Variants in HBS1L observed in about 807,000 individuals in gnomAD.
HBS1L encodes HBS1-like protein.
A neutral mutation model predicts 88.9 loss-of-function variants in HBS1L; 55 were observed. The ratio of observed to expected loss-of-function variants is 0.62; its 90% CI spans 0.50 to 0.77. The LOEUF (loss-of-function observed/expected upper bound fraction) is 0.77, where lower values mean the gene tolerates loss of function less well. HBS1L is among the 30% of genes least tolerant of loss of function. The pLI, the probability that HBS1L is intolerant of heterozygous loss-of-function variation, is 0.00. For missense variants in HBS1L, 741 were observed against 829.3 expected (o/e 0.89, Z 1.31); for synonymous variants, 267 against 288.5 (o/e 0.93, Z 0.76).
intron 4 of HBS1L, among the ~76,000 whole-genome samples, chr6:135,009,877 G>A (rs1023268780): frequency 7.9e-5 from 12 of 151,442 alleles, no homozygotes; most frequent in South Asian, 6.3e-4. Context: ...TGATCCGCCC[G>A]CCTCGGCCTC....
At chr6:134,969,452 G>T (rs975170347) in intron 15 of HBS1L, 114 bp from the exon 16 acceptor site, 20 of 689,532 alleles carry the variant, frequency 2.9e-5, no homozygotes, top group Non-Finnish European at 4.1e-5. Context: ...GAGTCTTTCA[G>T]GATCTCCAGT....
At chr6:134,995,930 A>G (rs1775276978) in intron 7 of HBS1L, among the ~76,000 whole-genome samples, 1 of 152,120 alleles carries the variant, frequency 6.6e-6, no homozygotes, top group South Asian at 2.1e-4. Context: ...ATATGTTTAT[A>G]ATGGAGACTA....
chr6:135,040,344 CTTTTTTTTTTTTT>C (rs71006751), intron 3 of HBS1L, among the ~76,000 whole-genome samples: 1 of 110,060 alleles, frequency 9.1e-6, no homozygotes, highest in African/African-American at 3.6e-5. Context: ...GATAGGCATT[CTTTTTTTTTTTTT>C]TTTTTTTTTT....
chr6:134,996,366 A>G (rs1053888371), intron 7 of HBS1L, among the ~76,000 whole-genome samples: 3 of 152,216 alleles, frequency 2.0e-5, no homozygotes, highest in African/African-American at 7.2e-5. Context: ...GATTCTACAC[A>G]GAAGAGGTTT....
chr6:135,038,333 A>C (rs952808210), intron 4 of HBS1L, among the ~76,000 whole-genome samples: 36 of 151,988 alleles, frequency 2.4e-4, no homozygotes, highest in African/African-American at 8.5e-4. Context: ...CCATAATTAA[A>C]TTGTAGTCAG....
intron 16 of HBS1L, 147 bp downstream of exon 16, chr6:134,969,086 TGTTTG>T (rs1366183998): frequency 1.7e-6 from 1 of 603,874 alleles, no homozygotes; most frequent in Non-Finnish European, 3.0e-6. Flanking sequence ...CTTGTTTTTA[TGTTTG>T]TTTTAATCTA....
At position 134,966,410 on chromosome 6, in the gene HBS1L, C is replaced by T; in HGVS notation, c.1962G>A (p.Glu654=). 6.2e-7 allele frequency: 1 copy of T among 1,612,324 alleles called. No homozygotes were observed. The change falls in exon 17 of 18, where the codon GAG becomes GAA. Residue 654 remains glutamate, a synonymous_variant. Transcript: ENST00000367837. ...CCAGCTCTTTAAAGTCTTTATATAG[C>T]TCAAGAGCTATTGGTCTTTGTGTCT... ...ELQTQRPIAL[E]LYKDFKELGR... is the part of the protein sequence containing the mutation.
Position 134,961,889 on chromosome 6 carries a change from A to G in HBS1L, c.*3390T>C, listed in dbSNP as rs1254633165. 6.6e-6 allele frequency: 1 copy of G among 152,224 alleles called. No homozygotes were observed. The highest frequency in any genetic ancestry group is 2.4e-5 in the African/African-American group (1 of 41,450). The allele number at this position is 152,224 out of a possible 1,614,324, so 9.4% of individuals were successfully genotyped here. On this transcript the variant is annotated 3_prime_UTR_variant, in exon 18 of 18. Coordinates refer to ENST00000367837, the MANE Select transcript of HBS1L (RefSeq NM_006620.4). ...GCCCTGGTGATCTTTGATGACATCA[A>G]CAAATGATGAGCATCAACAAATGTT...
In HBS1L at chr6:134,987,770, C is replaced by A; in HGVS notation, c.1105G>T (p.Val369Leu). The A allele has an allele frequency of 6.3e-7, 1 of 1,595,298 alleles. No homozygotes were observed. ...TCAAACTCTCCCCTGCTGGCATCTACAACTAAAACAGCTACATCCGCCTAA... is the reference window on the plus strand; with the variant it reads ...TCAAACTCTCCCCTGCTGGCATCTAAAACTAAAACAGCTACATCCGCCTAA... Reference protein sequence around the residue: ...AAQADVAVLVVDASRGEFEAG... With the variant: ...AAQADVAVLVLDASRGEFEAG... The change falls in exon 9 of 18, where the codon GTA (valine) becomes TTA (leucine). Residue 369 changes from valine (V) to leucine (L), a missense_variant. This residue lies in a region of HBS1L where 556 missense variants were observed against 598.4 expected (regional missense o/e 0.93). Coordinates refer to ENST00000367837, the MANE Select transcript of HBS1L (RefSeq NM_006620.4).
At chr6:134,996,023 AAC>A (rs995995082) in intron 7 of HBS1L, among the ~76,000 whole-genome samples, 5 of 152,140 alleles carry the variant, frequency 3.3e-5, no homozygotes, top group Admixed American at 3.3e-4. Flanking sequence ...GACATCAGGG[AAC>A]ACAGTTTAAT....
intron 4 of HBS1L, among the ~76,000 whole-genome samples, chr6:135,010,726 G>T (rs984183119): frequency 5.9e-5 from 9 of 152,060 alleles, no homozygotes; most frequent in Non-Finnish European, 1.3e-4. Flanking sequence ...GACTATTTTG[G>T]GGGGGAAAAT....
At chr6:134,982,291 C>T (rs781155847) in intron 13 of HBS1L, 167 bp downstream of exon 13, 46 of 571,972 alleles carry the variant, frequency 8.0e-5, no homozygotes, top group Non-Finnish European at 1.4e-4. Flanking sequence ...AGAAAAAAAT[C>T]GTTTAATGTT....
chr6:134,984,049 C>A (rs547304141), intron 12 of HBS1L, among the ~76,000 whole-genome samples: 32 of 152,136 alleles, frequency 2.1e-4, no homozygotes, highest in Non-Finnish European at 4.0e-4. Flanking sequence ...AGGAGGAACA[C>A]ACTCAGGAGA....
chr6:135,028,727 A>ATT (rs1776305667), intron 4 of HBS1L, among the ~76,000 whole-genome samples: 1 of 152,182 alleles, frequency 6.6e-6, no homozygotes, highest in East Asian at 1.9e-4. Context: ...TCATAAGACT[A>ATT]GAACAATACT....
intron 5 of HBS1L, among the ~76,000 whole-genome samples, chr6:134,999,667 TG>T (rs1044035954): frequency 6.6e-6 from 1 of 151,900 alleles, no homozygotes; most frequent in African/African-American, 2.4e-5. Flanking sequence ...AGGCTGGTAT[TG>T]AACTCCTGAC....
At chr6:135,001,890 A>C (rs1315398008) in intron 5 of HBS1L, among the ~76,000 whole-genome samples, 1 of 151,852 alleles carries the variant, frequency 6.6e-6, no homozygotes, top group Non-Finnish European at 1.5e-5. Context: ...GGAAAAAAAA[A>C]ATAAATAAGG....
In HBS1L at chr6:135,002,721, C is replaced by CT. The variant is rs1249147161; in HGVS notation, c.539+12dup. 2 of 1,549,060 alleles carry CT rather than the reference C, an allele frequency of 1.3e-6. No individual in the cohort carries two copies. The highest frequency in any genetic ancestry group is 1.8e-6 in the Non-Finnish European group (2 of 1,121,302). On this transcript the variant is annotated intron_variant, in intron 5 of 17. Transcript: ENST00000367837. ...GGTGGGGGTGGGGATGAGGGAGGTACTCAAAGTCTTACCCAGGCACTTCAA... is the reference window on the plus strand; with the variant it reads ...GGTGGGGGTGGGGATGAGGGAGGTACTTCAAAGTCTTACCCAGGCACTTCAA...
chr6:134,969,424 A>T, intron 15 of HBS1L, 86 bp from the exon 16 acceptor site: 2 of 803,114 alleles, frequency 2.5e-6, no homozygotes, highest in Non-Finnish European at 4.3e-6. Context: ...ATTATCTTCA[A>T]TTCAGTGCTA....
chr6:134,990,863 A>C (rs2114791686), intron 8 of HBS1L, among the ~76,000 whole-genome samples: 1 of 152,240 alleles, frequency 6.6e-6, no homozygotes, highest in East Asian at 1.9e-4. Context: ...GGAATAAACG[A>C]TCTTTATAAT....
Sources: allele counts gnomAD v4.1 joint callset (sites outside exome capture counted in the v4.1 genomes callset), GRCh38; gene constraint gnomAD v4.1.1; regional missense constraint gnomAD v4.1.1; transcripts MANE v1.5; gene names NCBI Gene and HGNC (gene_info 2026-07-23, HGNC 2026-07-21).